SLC30A8: variants seen among roughly 807,000 people sequenced by gnomAD.
SLC30A8 encodes the protein proton-coupled zinc antiporter SLC30A8.
Under a neutral mutation model 36.9 loss-of-function variants are expected in SLC30A8, and 27 were observed. The ratio of observed to expected loss-of-function variants is 0.73; its 90% CI spans 0.54 to 1.01. The LOEUF (loss-of-function observed/expected upper bound fraction) is 1.01, where lower values mean the gene tolerates loss of function less well. Ranked by LOEUF, SLC30A8 falls within the 50% of genes least tolerant of loss-of-function variation. The pLI, the probability that SLC30A8 is intolerant of heterozygous loss-of-function variation, is 0.00. For missense variants in SLC30A8, 439 were observed against 452.0 expected, an observed-to-expected ratio of 0.97 and a Z score of 0.26; for synonymous variants, 164 against 172.4, an observed-to-expected ratio of 0.95 and a Z score of 0.38.
At chr8:117,088,803 A>C (rs926561334) in intron 2 of SLC30A8, among the ~76,000 whole-genome samples, 14 of 152,190 alleles carry the variant, frequency 9.2e-5, no homozygotes, top group African/African-American at 3.4e-4. Flanking sequence ...CAGATGTTGG[A>C]GGCAGAGCTT....
chr8:117,133,248 T>C (rs1311522484), upstream of SLC30A8, among the ~76,000 whole-genome samples: 1 of 151,962 alleles, frequency 6.6e-6, no homozygotes, highest in Non-Finnish European at 1.5e-5. Context: ...GTTGTTTTGC[T>C]TGGGTCTCTC....
intron 1 of SLC30A8, among the ~76,000 whole-genome samples, chr8:117,030,241 G>A (rs1158137221): frequency 2.0e-5 from 3 of 150,692 alleles, no homozygotes; most frequent in Non-Finnish European, 4.4e-5. Flanking sequence ...ATTATGGTGG[G>A]CATTTCTTGC....
intron 1 of SLC30A8, among the ~76,000 whole-genome samples, chr8:116,966,272 A>G (rs55811033): frequency 0.015 from 2,222 of 152,230 alleles, 62 homozygotes; most frequent in African/African-American, 0.051. Flanking sequence ...CAACACCTTT[A>G]TATTATAGTT....
chr8:117,053,603 G>C (rs369204810), intron 2 of SLC30A8, among the ~76,000 whole-genome samples: 26 of 152,262 alleles, frequency 1.7e-4, no homozygotes, highest in African/African-American at 5.8e-4. Flanking sequence ...CTGAAGAAAT[G>C]GGGACAGTGA....
intron 2 of SLC30A8, among the ~76,000 whole-genome samples, chr8:117,041,631 G>A (rs922229094): frequency 3.3e-5 from 5 of 152,136 alleles, no homozygotes; most frequent in Non-Finnish European, 5.9e-5. Context: ...GTAGGAGGCA[G>A]TGAGCTGAGA....
chr8:117,160,446 T>TGTGTGTGTGTGTGTGTGTGTGTGTGC (rs150458118), intron 4 of SLC30A8, among the ~76,000 whole-genome samples: 3 of 144,512 alleles, frequency 2.1e-5, no homozygotes, highest in African/African-American at 7.6e-5. Flanking sequence ...CGCGCACATG[T>TGTGTGTGTGTGTGTGTGTGTGTGTGC]GCGCGCGGTG....
intron 2 of SLC30A8, among the ~76,000 whole-genome samples, chr8:117,152,503 A>C (rs1374319682): frequency 6.6e-6 from 1 of 152,198 alleles, no homozygotes; most frequent in Non-Finnish European, 1.5e-5. Flanking sequence ...ATGCTGATTA[A>C]ATTATAAGTC....
intron 1 of SLC30A8, among the ~76,000 whole-genome samples, chr8:116,962,497 C>G (rs965175150): frequency 2.0e-5 from 3 of 152,052 alleles, no homozygotes; most frequent in African/African-American, 7.2e-5. Context: ...CGTCCCCAAA[C>G]TGTTCTTACT....
rs1449941372 is a variant in SLC30A8, at chr8:117,175,860, C to CTGAG, written c.*3180_*3183dup. 6 of 152,046 alleles carry CTGAG rather than the reference C, an allele frequency of 3.9e-5. No homozygotes were observed. Among genetic ancestry groups the CTGAG allele is most frequent in the African/African-American group, 1.4e-4 (6 of 41,432 alleles). 9.4% of individuals were successfully genotyped at this position (152,046 alleles called of 1,614,324 possible). ...AGGCTTGCTGGGATAAAGGCATTTA[C>CTGAG]TGAGAGGCTGTTACCTAGTGAGAGT... On this transcript the variant is annotated 3_prime_UTR_variant, in exon 8 of 8. Transcript: ENST00000456015.
intron 2 of SLC30A8, among the ~76,000 whole-genome samples, chr8:117,063,315 G>A (rs1374622860): frequency 1.3e-5 from 2 of 151,920 alleles, no homozygotes; most frequent in Non-Finnish European, 2.9e-5. Flanking sequence ...ATTTTGCGTG[G>A]GTCAGCCAGA....
intron 2 of SLC30A8, among the ~76,000 whole-genome samples, chr8:117,099,120 A>G (rs1819599235): frequency 6.6e-6 from 1 of 152,094 alleles, no homozygotes. Flanking sequence ...TAAGATATGT[A>G]TCTTTCCTCA....
intron 3 of SLC30A8, among the ~76,000 whole-genome samples, chr8:117,156,492 A>G (rs1822493505): frequency 1.3e-5 from 2 of 152,240 alleles, no homozygotes; most frequent in South Asian, 4.1e-4. Context: ...CTAAAGTCAC[A>G]TAGCCAGTCA....
chr8:117,090,771 C>T (rs529550478), intron 2 of SLC30A8, among the ~76,000 whole-genome samples: 1 of 152,286 alleles, frequency 6.6e-6, no homozygotes, highest in South Asian at 2.1e-4. Context: ...TTGTTGCCAG[C>T]CCTTAAGATG....
rs115772013 is a variant in SLC30A8 at position 117,066,053 on chromosome 8, G to A, written c.-226+26795G>A. Reference sequence around the variant, plus strand: ...ATGTGTTGGTGGAACACACAGGAAGGTTTTTTCTTGGCGATAAGGAGACCA... The same window carrying A: ...ATGTGTTGGTGGAACACACAGGAAGATTTTTTCTTGGCGATAAGGAGACCA... On this transcript the variant is annotated intron_variant, in intron 2 of 10. Coordinates refer to the SLC30A8 transcript ENST00000427715. 3.1e-3 allele frequency among the ~76,000 whole-genome samples: 469 copies of A among 152,272 alleles called. 1 individual carries two copies. Among genetic ancestry groups the A allele is most frequent in the African/African-American group, 0.01 (434 of 41,560 alleles).
chr8:116,975,832 A>G lies in SLC30A8; in HGVS notation c.-266+24713A>G, dbSNP rs376418250. 7.2e-5 allele frequency among the ~76,000 whole-genome samples: 11 copies of G among 152,248 alleles called. No homozygotes were observed. In the East Asian group the frequency reaches 1.3e-3, roughly 19 times the overall value. On this transcript the variant is annotated intron_variant, in intron 1 of 10. Coordinates refer to the SLC30A8 transcript ENST00000427715. Reference sequence around the variant, plus strand: ...AAAGCCAGCTCTATCTTTACCTGGAATAGCAGGAGATAGACTTATTCATAA... The same window carrying G: ...AAAGCCAGCTCTATCTTTACCTGGAGTAGCAGGAGATAGACTTATTCATAA...
chr8:117,124,747 G>C (rs576791412), intron 2 of SLC30A8, among the ~76,000 whole-genome samples: 1 of 150,998 alleles, frequency 6.6e-6, no homozygotes, highest in Admixed American at 6.6e-5. Context: ...GCTAAACATT[G>C]AGCACATTAT....
intron 1 of SLC30A8, among the ~76,000 whole-genome samples, chr8:117,135,884 A>C (rs1274820610): frequency 6.6e-6 from 1 of 151,964 alleles, no homozygotes; most frequent in East Asian, 1.9e-4. Context: ...TGTTCTACAA[A>C]GTATTCCATT....
chr8:117,015,390 T>C (rs1816482744), intron 1 of SLC30A8, among the ~76,000 whole-genome samples: 1 of 152,192 alleles, frequency 6.6e-6, no homozygotes, highest in South Asian at 2.1e-4. Flanking sequence ...TTTTCTGCTG[T>C]TCATTTTTCT....
intron 2 of SLC30A8, among the ~76,000 whole-genome samples, chr8:117,061,078 G>A (rs950462975): frequency 4.6e-5 from 7 of 152,146 alleles, no homozygotes; most frequent in African/African-American, 1.7e-4. Context: ...GACAGAAAAC[G>A]AGTATTGTTT....
Sources: allele counts gnomAD v4.1 joint callset (sites outside exome capture counted in the v4.1 genomes callset), GRCh38; gene constraint gnomAD v4.1.1; transcripts MANE v1.5; gene names NCBI Gene and HGNC (gene_info 2026-07-23, HGNC 2026-07-21).